SCUBE1: variants seen among roughly 807,000 people sequenced by gnomAD.
SCUBE1 encodes the protein signal peptide, CUB and EGF-like domain-containing protein 1.
A neutral mutation model predicts 124.4 loss-of-function variants in SCUBE1; 59 were observed. The ratio of observed to expected loss-of-function variants is 0.47; its 90% CI spans 0.38 to 0.59. The LOEUF (loss-of-function observed/expected upper bound fraction) is 0.59. Ranked by LOEUF, SCUBE1 falls within the 20% of genes least tolerant of loss-of-function variation. The pLI, the probability that SCUBE1 is intolerant of heterozygous loss-of-function variation, is 0.00. For missense variants in SCUBE1, 1,150 were observed against 1,371.2 expected (o/e 0.84, Z 2.55); for synonymous variants, 545 against 550.9 (o/e 0.99, Z 0.15).
chr22:43,207,759 T>C (rs1241240692), intron 20 of SCUBE1, 146 bp from the exon 21 acceptor site: 2 of 718,048 alleles, frequency 2.8e-6, no homozygotes, highest in African/African-American at 1.7e-5. Flanking sequence ...TCTGTGCCTT[T>C]GAACCTGGGG....
intron 10 of SCUBE1, 137 bp from the exon 11 acceptor site, chr22:43,223,353 C>T (rs1244226223): frequency 1.2e-5 from 12 of 977,916 alleles, no homozygotes; most frequent in Admixed American, 6.2e-5. Flanking sequence ...GGTGGGAAGG[C>T]GCCTGGAGAT....
chr22:43,310,566 G>A (rs769505675), intron 3 of SCUBE1, among the ~76,000 whole-genome samples: 3 of 152,186 alleles, frequency 2.0e-5, no homozygotes, highest in Non-Finnish European at 4.4e-5. Context: ...CAGCTTTCAA[G>A]TCTCCCAGCT....
chr22:43,265,232 A>T (rs1366011003), intron 4 of SCUBE1, among the ~76,000 whole-genome samples: 2 of 152,158 alleles, frequency 1.3e-5, no homozygotes, highest in Non-Finnish European at 2.9e-5. Flanking sequence ...CCATCAAGTG[A>T]TCTTTCTTCT....
At chr22:43,308,616 G>A (rs759855487) in intron 3 of SCUBE1, among the ~76,000 whole-genome samples, 4 of 152,224 alleles carry the variant, frequency 2.6e-5, no homozygotes, top group East Asian at 1.9e-4. Flanking sequence ...TTAAAAGGCC[G>A]CGATGGCGCA....
chr22:43,206,184 AC>A (rs1921268278), intron 21 of SCUBE1, among the ~76,000 whole-genome samples: 12 of 61,760 alleles, frequency 1.9e-4, no homozygotes, highest in Admixed American at 1.6e-3. Context: ...CACCCACCAC[AC>A]CCCCACTCAC....
chr22:43,222,495 C>T (rs576222214), intron 12 of SCUBE1, 143 bp downstream of exon 12: 17 of 644,526 alleles, frequency 2.6e-5, no homozygotes, highest in South Asian at 2.5e-4. Flanking sequence ...CCTGGCTCAT[C>T]GCCAGCACCC....
At chr22:43,206,218 A>AACACACACCCCTACACACCCAGC (rs1921271514) in intron 21 of SCUBE1, among the ~76,000 whole-genome samples, 1 of 120,294 alleles carries the variant, frequency 8.3e-6, no homozygotes, top group Non-Finnish European at 1.7e-5. Flanking sequence ...ACACCCACTC[A>AACACACACCCCTACACACCCAGC]ACACACACCC....
At chr22:43,337,135 C>A (rs932731511) in intron 2 of SCUBE1, among the ~76,000 whole-genome samples, 8 of 152,164 alleles carry the variant, frequency 5.3e-5, no homozygotes, top group African/African-American at 1.9e-4. Context: ...CCCAGCAGGA[C>A]AAAACAATTT....
intron 2 of SCUBE1, among the ~76,000 whole-genome samples, chr22:43,338,271 T>A (rs1927151176): frequency 6.6e-6 from 1 of 152,098 alleles, no homozygotes; most frequent in Non-Finnish European, 1.5e-5. Flanking sequence ...GGGGAGGCAG[T>A]TTTTAATAGC....
intron 4 of SCUBE1, among the ~76,000 whole-genome samples, chr22:43,268,391 CAG>C (rs1410891952): frequency 6.6e-6 from 1 of 152,252 alleles, no homozygotes; most frequent in Non-Finnish European, 1.5e-5. Context: ...GATAGAATTT[CAG>C]AGTCATTCCC....
intron 1 of SCUBE1, among the ~76,000 whole-genome samples, chr22:43,339,695 A>ATTGCTCCAACCCTCCCCCACTC (rs1927219507): frequency 9.5e-6 from 1 of 105,330 alleles, no homozygotes. Context: ...CCCCACAAGC[A>ATTGCTCCAACCCTCCCCCACTC]TTGCTCCAAC....
chr22:43,264,609 C>T (rs1003121013), intron 4 of SCUBE1, among the ~76,000 whole-genome samples: 1 of 152,198 alleles, frequency 6.6e-6, no homozygotes, highest in Non-Finnish European at 1.5e-5. Flanking sequence ...TCTCCCTGAC[C>T]GTTACTGACA....
At chr22:43,281,529 ACC>A (rs1569010995) in intron 4 of SCUBE1, among the ~76,000 whole-genome samples, 20 of 44,226 alleles carry the variant, frequency 4.5e-4, no homozygotes, top group African/African-American at 1.7e-3. Flanking sequence ...CCCTCCTGTC[ACC>A]TCCCTCAGTC....
At chr22:43,292,221 T>G (rs1925388317) in intron 3 of SCUBE1, among the ~76,000 whole-genome samples, 1 of 152,010 alleles carries the variant, frequency 6.6e-6, no homozygotes, top group Non-Finnish European at 1.5e-5. Context: ...GGCCCTGACC[T>G]CCGGCTGCCA....
In SCUBE1 at chr22:43,302,840, A is replaced by G. The variant is rs1925824159; in HGVS notation, c.350-11660T>C. On this transcript the variant is annotated intron_variant, in intron 3 of 21. Transcript: ENST00000360835. ...GAACCAAAGCGAGAAGCTGTAAGGA[A>G]AGAAGGAGGAAACGCTCCCACGGGA... Among the ~76,000 whole-genome samples the G allele has an allele frequency of 2.0e-5, 3 of 152,360 alleles. No homozygotes were observed. In the South Asian group the frequency reaches 6.2e-4, roughly 32 times the overall value.
intron 4 of SCUBE1, among the ~76,000 whole-genome samples, chr22:43,284,550 C>CTAGG (rs1481689305): frequency 6.6e-6 from 1 of 152,224 alleles, no homozygotes; most frequent in Non-Finnish European, 1.5e-5. Context: ...AGTCAGGAGC[C>CTAGG]CAGGCTCTGG....
At chr22:43,319,476 T>A (rs1028188726) in intron 3 of SCUBE1, among the ~76,000 whole-genome samples, 2 of 140,098 alleles carry the variant, frequency 1.4e-5, no homozygotes, top group Non-Finnish European at 3.0e-5. Context: ...GGCAGGAGAA[T>A]CACTTGAACC....
intron 3 of SCUBE1, among the ~76,000 whole-genome samples, chr22:43,293,273 T>A (rs1044851639): frequency 6.6e-6 from 1 of 152,260 alleles, no homozygotes; most frequent in South Asian, 2.1e-4. Flanking sequence ...GCCCACGCGA[T>A]CCTCACAGCT....
chr22:43,268,774 T>C (rs1601842887), intron 4 of SCUBE1, among the ~76,000 whole-genome samples: 1 of 152,300 alleles, frequency 6.6e-6, no homozygotes, highest in Non-Finnish European at 1.5e-5. Context: ...TGGGACTTCG[T>C]ACTGGCCAGA....
Sources: allele counts gnomAD v4.1 joint callset (sites outside exome capture counted in the v4.1 genomes callset), GRCh38; gene constraint gnomAD v4.1.1; transcripts MANE v1.5; gene names NCBI Gene and HGNC (gene_info 2026-07-23, HGNC 2026-07-21).